Variants in NAV1 observed in about 807,000 individuals in gnomAD.
NAV1 encodes the protein neuron navigator 1.
A neutral mutation model predicts 175.2 loss-of-function variants in NAV1; 18 were observed. The ratio of observed to expected loss-of-function variants is 0.10; its 90% CI spans 0.07 to 0.15. The LOEUF (loss-of-function observed/expected upper bound fraction) is 0.15, where lower values mean the gene tolerates loss of function less well. Among genes scored for constraint, NAV1 ranks in the 10% least tolerant of loss-of-function variants. The pLI is 1.00. For missense variants in NAV1, 1,731 were observed against 2,436.6 expected (o/e 0.71, Z 6.10); for synonymous variants, 897 against 978.7 (o/e 0.92, Z 1.56).
intron 1 of NAV1, among the ~76,000 whole-genome samples, chr1:201,567,223 G>T (rs1210438101): frequency 6.6e-6 from 1 of 152,220 alleles, no homozygotes; most frequent in Non-Finnish European, 1.5e-5. Flanking sequence ...CTGCAGGGGG[G>T]AGTGGACAAA....
rs146566527 is a variant in NAV1, at chr1:201,780,653, C to G, written c.1365+94C>G. 1,236 of 1,505,560 alleles carry G rather than the reference C, an allele frequency of 8.2e-4. 14 individuals are homozygous for G. In the African/African-American group the frequency reaches 0.015, roughly 18 times the overall value. The allele number at this position is 1,505,560 out of a possible 1,614,324, so 93.3% of individuals were successfully genotyped here. On this transcript the variant is annotated intron_variant, in intron 4 of 29. Transcript: ENST00000367296. ...GTATGGGGTTGCACGTACACACCCA[C>G]TCCATGGGATTGGTTCTCATAGGCC...
intron 2 of NAV1, among the ~76,000 whole-genome samples, chr1:201,594,850 C>G (rs1405835555): frequency 6.6e-6 from 1 of 152,212 alleles, no homozygotes; most frequent in Non-Finnish European, 1.5e-5. Context: ...CCTCGCTGCT[C>G]CAGGATTCAG....
At chr1:201,576,726 G>A (rs567075233) in intron 1 of NAV1, among the ~76,000 whole-genome samples, 1 of 152,284 alleles carries the variant, frequency 6.6e-6, no homozygotes, top group African/African-American at 2.4e-5. Flanking sequence ...TCCAAAGTGG[G>A]TGTACCATTT....
At chr1:201,569,909 A>G (rs934131393) in intron 1 of NAV1, among the ~76,000 whole-genome samples, 1 of 152,174 alleles carries the variant, frequency 6.6e-6, no homozygotes, top group African/African-American at 2.4e-5. Flanking sequence ...AAGTCAATTT[A>G]CTTCTCAGTT....
intron 1 of NAV1, among the ~76,000 whole-genome samples, chr1:201,678,917 C>T (rs1670362626): frequency 1.3e-5 from 2 of 152,136 alleles, no homozygotes; most frequent in Admixed American, 1.3e-4. Flanking sequence ...TTGGCAGCCC[C>T]TCCCCTCCAT....
chr1:201,781,143 G>A (rs1174218457), exon 5 of NAV1: 2 of 1,614,204 alleles, frequency 1.2e-6, no homozygotes, highest in Non-Finnish European at 8.5e-7. Context: ...GGACTTCTAA[G>A]TGGCGGAGGG....
intron 1 of NAV1, among the ~76,000 whole-genome samples, chr1:201,697,138 A>G (rs186240602): frequency 3.9e-4 from 60 of 152,234 alleles, no homozygotes; most frequent in Non-Finnish European, 6.8e-4. Context: ...CAAGCCCTGG[A>G]GGGAGTTCCG....
intron 1 of NAV1, among the ~76,000 whole-genome samples, chr1:201,667,747 T>C (rs1050774960): frequency 6.6e-6 from 1 of 152,210 alleles, no homozygotes; most frequent in African/African-American, 2.4e-5. Context: ...CTCATAAATA[T>C]GCTTTTAAAA....
intron 2 of NAV1, among the ~76,000 whole-genome samples, chr1:201,611,379 G>C (rs1276110673): frequency 6.6e-6 from 1 of 152,212 alleles, no homozygotes; most frequent in Non-Finnish European, 1.5e-5. Flanking sequence ...GTCCTGAGAG[G>C]TTGGCAGAGA....
chr1:201,795,338 T>G (rs1180057573), intron 15 of NAV1: 2 of 152,238 alleles, frequency 1.3e-5, no homozygotes, highest in Non-Finnish European at 2.9e-5. Context: ...CATCCAATAC[T>G]TATTTATTTG....
intron 1 of NAV1, among the ~76,000 whole-genome samples, chr1:201,693,739 A>G (rs1236012839): frequency 6.6e-6 from 1 of 152,126 alleles, no homozygotes; most frequent in African/African-American, 2.4e-5. Flanking sequence ...GGAAGCAAAG[A>G]TGCAGCCAGG....
chr1:201,727,362 G>T (rs971086527), intron 3 of NAV1, among the ~76,000 whole-genome samples: 1 of 152,188 alleles, frequency 6.6e-6, no homozygotes, highest in Non-Finnish European at 1.5e-5. Flanking sequence ...AAGAAAGATG[G>T]ATTTGTTTTG....
intron 4 of NAV1, 113 bp from the exon 9 acceptor site, chr1:201,780,899 C>A: frequency 8.1e-7 from 1 of 1,236,410 alleles, no homozygotes; most frequent in Non-Finnish European, 1.1e-6. Context: ...CTCAGTTTGA[C>A]TTAATACTCT....
At chr1:201,552,105 G>C (rs905492738) in intron 1 of NAV1, among the ~76,000 whole-genome samples, 3 of 152,254 alleles carry the variant, frequency 2.0e-5, no homozygotes, top group Admixed American at 6.5e-5. Flanking sequence ...AATGGCCACT[G>C]CTGAGCTGGC....
intron 2 of NAV1, among the ~76,000 whole-genome samples, chr1:201,601,147 T>C (rs1040369667): frequency 2.0e-5 from 3 of 152,248 alleles, no homozygotes; most frequent in African/African-American, 7.2e-5. Context: ...CTAACATGGA[T>C]AGCTGCTGTT....
At chr1:201,713,206 G>A (rs902922318) in intron 2 of NAV1, among the ~76,000 whole-genome samples, 5 of 152,238 alleles carry the variant, frequency 3.3e-5, no homozygotes, top group African/African-American at 1.2e-4. Flanking sequence ...AGCTCAATGT[G>A]TGATCTTTGA....
intron 2 of NAV1, among the ~76,000 whole-genome samples, chr1:201,599,644 C>T (rs995483452): frequency 2.0e-5 from 3 of 152,202 alleles, no homozygotes; most frequent in Non-Finnish European, 2.9e-5. Context: ...AATTTTGCGT[C>T]TGTCATGAGC....
At chr1:201,568,219 C>A (rs1420124676) in intron 1 of NAV1, among the ~76,000 whole-genome samples, 1 of 152,198 alleles carries the variant, frequency 6.6e-6, no homozygotes, top group Non-Finnish European at 1.5e-5. Flanking sequence ...GGCATCAGAG[C>A]AAGCCCCTTG....
chr1:201,556,777 G>GC (rs1454157357), intron 1 of NAV1, among the ~76,000 whole-genome samples: 1 of 152,200 alleles, frequency 6.6e-6, no homozygotes, highest in Non-Finnish European at 1.5e-5. Flanking sequence ...CTGGAGAAAT[G>GC]CCCCTCTCCT....
Sources: gnomAD v4.1 joint callset for allele counts (sites outside exome capture counted in the v4.1 genomes callset) on GRCh38, gnomAD v4.1.1 for gene constraint, MANE v1.5 for transcripts, NCBI Gene and HGNC (gene_info 2026-07-23, HGNC 2026-07-21) for gene names.